The following CSMD1 variants were observed in gnomAD, a reference collection of about 807,000 sequenced individuals.
The protein encoded by CSMD1 is CUB and sushi domain-containing protein 1.
In CSMD1, 213 loss-of-function variants were observed where a neutral mutation model predicts 417.5. The ratio of observed to expected loss-of-function variants is 0.51; its 90% CI spans 0.46 to 0.57. CSMD1 has a LOEUF of 0.57. CSMD1 is among the 20% of genes least tolerant of loss of function. The pLI, the probability that CSMD1 is intolerant of heterozygous loss-of-function variation, is 0.00. For synonymous variants in CSMD1, 2,862 were observed against 1,736.8 expected (o/e 1.65, Z -16.11); for missense variants, 6,923 against 4,529.7 (o/e 1.53, Z -15.17).
intron 3 of CSMD1, among the ~76,000 whole-genome samples, chr8:4,099,419 G>T (rs1443384085): frequency 6.6e-6 from 1 of 152,008 alleles, no homozygotes; most frequent in African/African-American, 2.4e-5. Context: ...CTAAAGCCTT[G>T]CAATGCCACC....
intron 22 of CSMD1, among the ~76,000 whole-genome samples, chr8:3,347,101 T>A (rs1173599508): frequency 6.6e-6 from 1 of 152,208 alleles, no homozygotes; most frequent in East Asian, 1.9e-4. Flanking sequence ...GAACATCTCA[T>A]AATGTTTTAA....
intron 21 of CSMD1, among the ~76,000 whole-genome samples, chr8:3,352,715 C>T (rs570483656): frequency 1.1e-4 from 16 of 152,108 alleles, no homozygotes; most frequent in Non-Finnish European, 2.1e-4. Flanking sequence ...TGGTGCATGC[C>T]GGTTGTCCCA....
chr8:4,399,440 C>T (rs117160644), intron 3 of CSMD1, among the ~76,000 whole-genome samples: 2 of 152,118 alleles, frequency 1.3e-5, no homozygotes, highest in Non-Finnish European at 2.9e-5. Flanking sequence ...ATTGATGAGC[C>T]TTTCAAAGAA....
At chr8:4,010,401 C>G (rs1478190042) in intron 4 of CSMD1, among the ~76,000 whole-genome samples, 2 of 152,154 alleles carry the variant, frequency 1.3e-5, no homozygotes, top group Admixed American at 1.3e-4. Context: ...TCACCTCTAC[C>G]TCTGCACAAA....
chr8:3,424,047 C>T (rs183714914), intron 12 of CSMD1, among the ~76,000 whole-genome samples: 20 of 152,128 alleles, frequency 1.3e-4, no homozygotes, highest in Admixed American at 2.6e-4. Context: ...AAAAATTTAC[C>T]TCCTTTTAAA....
chr8:3,546,505 C>A, intron 10 of CSMD1, among the ~76,000 whole-genome samples: 1 of 151,108 alleles, frequency 6.6e-6, no homozygotes. Flanking sequence ...CACCGCACTC[C>A]AGCCTGGTGA....
At chr8:4,907,724 A>ATTT (rs33995355) in intron 1 of CSMD1, among the ~76,000 whole-genome samples, 15 of 147,136 alleles carry the variant, frequency 1.0e-4, no homozygotes, top group African/African-American at 3.0e-4. Flanking sequence ...ATCCCCGGCA[A>ATTT]TTTTTTTTTT....
intron 3 of CSMD1, among the ~76,000 whole-genome samples, chr8:4,245,955 A>G (rs1252878783): frequency 2.6e-5 from 4 of 152,158 alleles, no homozygotes; most frequent in South Asian, 2.1e-4. Context: ...TCTAAACAAT[A>G]CAATCTATCA....
chr8:4,561,350 G>C (rs1798322204), intron 2 of CSMD1, among the ~76,000 whole-genome samples: 1 of 152,176 alleles, frequency 6.6e-6, no homozygotes, highest in African/African-American at 2.4e-5. Context: ...CTCCAGCCCG[G>C]TGACAGAATG....
At chr8:3,842,170 C>G (rs1803180380) in intron 5 of CSMD1, among the ~76,000 whole-genome samples, 1 of 152,180 alleles carries the variant, frequency 6.6e-6, no homozygotes, top group Non-Finnish European at 1.5e-5. Context: ...TTCTTAAAAA[C>G]TCGTTTTCCT....
intron 5 of CSMD1, among the ~76,000 whole-genome samples, chr8:3,882,368 C>A (rs1304741850): frequency 6.6e-6 from 1 of 152,186 alleles, no homozygotes; most frequent in East Asian, 1.9e-4. Context: ...TGCATCCCCA[C>A]TAGAATGGTT....
intron 7 of CSMD1, among the ~76,000 whole-genome samples, chr8:3,627,827 G>T (rs908036157): frequency 6.6e-6 from 1 of 152,152 alleles, no homozygotes; most frequent in Non-Finnish European, 1.5e-5. Flanking sequence ...ATATATTAAG[G>T]TGTCTGATTT....
At chr8:2,958,298 C>T (rs1036217237) in intron 62 of CSMD1, among the ~76,000 whole-genome samples, 2 of 152,188 alleles carry the variant, frequency 1.3e-5, no homozygotes, top group African/African-American at 4.8e-5. Context: ...TCTGAGGCGT[C>T]TTCCTCACCA....
chr8:4,038,172 G>A (rs1218794710), intron 3 of CSMD1, among the ~76,000 whole-genome samples: 5 of 152,076 alleles, frequency 3.3e-5, no homozygotes, highest in Non-Finnish European at 4.4e-5. Context: ...ATGATTTAGG[G>A]ATTGGGGATT....
chr8:3,784,549 G>C (rs1025622672), intron 5 of CSMD1, among the ~76,000 whole-genome samples: 1 of 152,086 alleles, frequency 6.6e-6, no homozygotes, highest in African/African-American at 2.4e-5. Context: ...GTCCCTCATG[G>C]TCATAAAATG....
intron 3 of CSMD1, among the ~76,000 whole-genome samples, chr8:4,157,683 G>A (rs948634970): frequency 5.9e-5 from 9 of 152,174 alleles, no homozygotes; most frequent in African/African-American, 1.4e-4. Context: ...ATCCCCTCAC[G>A]CCCAACCGGC....
chr8:3,025,168 G>T (rs1167231725), intron 51 of CSMD1, among the ~76,000 whole-genome samples: 4 of 147,518 alleles, frequency 2.7e-5, no homozygotes, highest in African/African-American at 7.9e-5. Flanking sequence ...GTATTGTGTG[G>T]TGTTATTCTG....
At chr8:4,796,989 C>T (rs1379932250) in intron 1 of CSMD1, among the ~76,000 whole-genome samples, 1 of 152,108 alleles carries the variant, frequency 6.6e-6, no homozygotes, top group African/African-American at 2.4e-5. Context: ...GTAATGCCAC[C>T]CAAAGTGAGG....
At position 3,617,312 on chromosome 8, in the gene CSMD1, T is replaced by C. The variant is rs1442057628; in HGVS notation, c.1010-515A>G. Among the ~76,000 whole-genome samples the C allele has an allele frequency of 2.0e-5, 3 of 152,342 alleles. No individual in the cohort carries two copies. In the East Asian group the frequency reaches 5.8e-4, roughly 29 times the overall value. On this transcript the variant is annotated intron_variant, in intron 7 of 69. Transcript: ENST00000635120. ...TGGTTTCTTTGTTCAAATGCACTGATTTATTTCTCGAATTTCATGGAAAAA... is the reference window on the plus strand; with the variant it reads ...TGGTTTCTTTGTTCAAATGCACTGACTTATTTCTCGAATTTCATGGAAAAA...
Sources: gnomAD v4.1 joint callset for allele counts (sites outside exome capture counted in the v4.1 genomes callset) on GRCh38, gnomAD v4.1.1 for gene constraint, MANE v1.5 for transcripts, NCBI Gene and HGNC (gene_info 2026-07-23, HGNC 2026-07-21) for gene names.